Variants in TMEM50B observed in about 807,000 individuals in gnomAD.
TMEM50B encodes the protein HCV p7-trans-regulated protein 3.
A neutral mutation model predicts 23.4 loss-of-function variants in TMEM50B; 14 were observed. The ratio of observed to expected loss-of-function variants is 0.60; its 90% CI spans 0.39 to 0.93. The LOEUF (loss-of-function observed/expected upper bound fraction) is 0.93, where lower values mean the gene tolerates loss of function less well. TMEM50B is among the 40% of genes least tolerant of loss of function. TMEM50B has a pLI of 0.00. For missense variants in TMEM50B, 159 were observed against 193.0 expected (o/e 0.82, Z 1.04); for synonymous variants, 64 against 62.3 (o/e 1.03, Z -0.13).
intron 1 of TMEM50B, among the ~76,000 whole-genome samples, chr21:33,476,521 G>A (rs1317099248): frequency 6.6e-6 from 1 of 151,186 alleles, no homozygotes; most frequent in Non-Finnish European, 1.5e-5. Context: ...CTGCACTTTG[G>A]GAAGCCGAGG....
chr21:33,457,958 C>T (rs1022225590), intron 5 of TMEM50B, among the ~76,000 whole-genome samples: 1 of 152,062 alleles, frequency 6.6e-6, no homozygotes, highest in Non-Finnish European at 1.5e-5. Flanking sequence ...TAAGCTTTAG[C>T]CAATCCCAAG....
chr21:33,438,274 G>C (rs1224197545), intron 8 of TMEM50B, among the ~76,000 whole-genome samples: 2 of 152,206 alleles, frequency 1.3e-5, no homozygotes, highest in African/African-American at 2.4e-5. Context: ...CTTGGCAACA[G>C]AGCAAGAGAC....
chr21:33,434,512 A>C (rs1192373741), intron 8 of TMEM50B, among the ~76,000 whole-genome samples: 2 of 151,984 alleles, frequency 1.3e-5, no homozygotes, highest in Admixed American at 1.3e-4. Flanking sequence ...GCAGAGCAAG[A>C]CTCCATCTCA....
intron 4 of TMEM50B, 41 bp downstream of exon 4, chr21:33,465,299 TTC>T (rs2084255211): frequency 4.7e-6 from 7 of 1,488,500 alleles, no homozygotes; most frequent in Non-Finnish European, 4.6e-6. Flanking sequence ...GGTGACAAAT[TTC>T]TGTTTTGTCA....
intron 4 of TMEM50B, among the ~76,000 whole-genome samples, chr21:33,463,809 T>C (rs551850090): frequency 1.3e-5 from 2 of 152,218 alleles, no homozygotes; most frequent in South Asian, 4.1e-4. Flanking sequence ...TCACAGCTAC[T>C]TGAGAAACTG....
intron 1 of TMEM50B, among the ~76,000 whole-genome samples, chr21:33,470,901 A>T (rs985340149): frequency 3.3e-5 from 5 of 152,146 alleles, no homozygotes; most frequent in African/African-American, 1.2e-4. Flanking sequence ...AAGAAAAAAA[A>T]AGAAAGAAAA....
intron 2 of TMEM50B, 125 bp downstream of exon 2, chr21:33,468,662 C>T (rs909654299): frequency 2.9e-6 from 2 of 697,878 alleles, no homozygotes; most frequent in East Asian, 5.3e-5. Flanking sequence ...CTCTGATAAT[C>T]ATCTATACAA....
chr21:33,441,910 C>A (rs1159203183), intron 7 of TMEM50B, among the ~76,000 whole-genome samples: 1 of 152,166 alleles, frequency 6.6e-6, no homozygotes, highest in Admixed American at 6.6e-5. Context: ...GGATTACAGG[C>A]ATGAGCCACC....
At chr21:33,471,387 G>C (rs2084314144) in intron 1 of TMEM50B, among the ~76,000 whole-genome samples, 1 of 152,078 alleles carries the variant, frequency 6.6e-6, no homozygotes, top group South Asian at 2.1e-4. Context: ...CCAGGAAAAT[G>C]TGATCTATTT....
intron 7 of TMEM50B, among the ~76,000 whole-genome samples, chr21:33,442,367 A>C (rs1601104694): frequency 6.6e-6 from 1 of 152,102 alleles, no homozygotes; most frequent in South Asian, 2.1e-4. Flanking sequence ...GAGGGTATGG[A>C]AACTGGTCAG....
chr21:33,457,510 G>A (rs1189131652), intron 5 of TMEM50B, among the ~76,000 whole-genome samples: 2 of 151,808 alleles, frequency 1.3e-5, no homozygotes, highest in South Asian at 4.2e-4. Context: ...AATTAGCTGG[G>A]AGTCGTGGCA....
chr21:33,465,071 A>G (rs531914899), intron 4 of TMEM50B: 3 of 329,690 alleles, frequency 9.1e-6, no homozygotes, highest in African/African-American at 6.4e-5. Context: ...ATAATAATAA[A>G]TCCATCATTA....
intron 6 of TMEM50B, among the ~76,000 whole-genome samples, chr21:33,451,655 T>C (rs2084121363): frequency 1.3e-5 from 2 of 152,116 alleles, no homozygotes; most frequent in South Asian, 4.1e-4. Context: ...GCTGTGGGCA[T>C]ACTAAATGTT....
At chr21:33,437,092 C>A in intron 8 of TMEM50B, 4 of 822,488 alleles carry the variant, frequency 4.9e-6, no homozygotes, top group Admixed American at 2.1e-5. Flanking sequence ...TCCCTGCAGA[C>A]ATGAGAGACA....
At chr21:33,472,773 G>A (rs1475234085) in intron 1 of TMEM50B, among the ~76,000 whole-genome samples, 6 of 151,314 alleles carry the variant, frequency 4.0e-5, no homozygotes, top group Non-Finnish European at 7.4e-5. Context: ...TTGGGAGGCT[G>A]AGGCAGGAGG....
At chr21:33,444,285 C>A (rs890848397), downstream of TMEM50B, among the ~76,000 whole-genome samples, 1 of 152,148 alleles carries the variant, frequency 6.6e-6, no homozygotes, top group Non-Finnish European at 1.5e-5. Flanking sequence ...CAGTGGCTCA[C>A]GCCTGTAATC....
At chr21:33,453,100 A>T (rs2084137305) in intron 6 of TMEM50B, among the ~76,000 whole-genome samples, 1 of 152,138 alleles carries the variant, frequency 6.6e-6, no homozygotes, top group Admixed American at 6.6e-5. Flanking sequence ...TTATTTATTT[A>T]TGTATTTATT....
intron 8 of TMEM50B, chr21:33,436,745 A>C: frequency 8.7e-7 from 1 of 1,154,046 alleles, no homozygotes; most frequent in Non-Finnish European, 1.2e-6. Context: ...ATAAAAATAA[A>C]ATAAAAACAA....
intron 8 of TMEM50B, chr21:33,432,829 C>T (rs2083902710): frequency 6.2e-7 from 1 of 1,613,530 alleles, no homozygotes; most frequent in South Asian, 1.1e-5. Flanking sequence ...TGATTAAATA[C>T]TGGTTTCACA....
Sources: allele counts gnomAD v4.1 joint callset (sites outside exome capture counted in the v4.1 genomes callset), GRCh38; gene constraint gnomAD v4.1.1; transcripts MANE v1.5; gene names NCBI Gene and HGNC (gene_info 2026-07-23, HGNC 2026-07-21).